Variants in SLC44A5 observed in about 807,000 individuals in gnomAD.
The protein encoded by SLC44A5 is choline transporter-like protein 5.
Under a neutral mutation model 101.8 loss-of-function variants are expected in SLC44A5, and 57 were observed. That is an observed-to-expected ratio of 0.56 (90% confidence interval 0.45 to 0.70). The LOEUF (loss-of-function observed/expected upper bound fraction) is 0.70, where lower values mean the gene tolerates loss of function less well. Ranked by LOEUF, SLC44A5 falls within the 30% of genes least tolerant of loss-of-function variation. The pLI is 0.00. For missense variants in SLC44A5, 737 were observed against 853.1 expected, an observed-to-expected ratio of 0.86 and a Z score of 1.70; for synonymous variants, 281 against 290.9, an observed-to-expected ratio of 0.97 and a Z score of 0.35.
chr1:75,341,050 G>T (rs1328241013), intron 3 of SLC44A5, among the ~76,000 whole-genome samples: 1 of 152,144 alleles, frequency 6.6e-6, no homozygotes, highest in Non-Finnish European at 1.5e-5. Flanking sequence ...GAGCCAAAGA[G>T]TCCTATTAAT....
chr1:75,363,651 T>A (rs1287121801), intron 3 of SLC44A5, among the ~76,000 whole-genome samples: 1 of 152,174 alleles, frequency 6.6e-6, no homozygotes, highest in African/African-American at 2.4e-5. Context: ...TACCTGTAGT[T>A]GTTGTTAATA....
At chr1:75,689,560 TA>T in the SLC44A5 span, among the ~76,000 whole-genome samples, 1 of 152,160 alleles carries the variant, frequency 6.6e-6, no homozygotes, top group Admixed American at 6.5e-5. Context: ...ACCACTCAAA[TA>T]GTCAGGGAAA....
At chr1:75,403,866 G>A (rs1306696728) in intron 2 of SLC44A5, among the ~76,000 whole-genome samples, 1 of 152,098 alleles carries the variant, frequency 6.6e-6, no homozygotes, top group Non-Finnish European at 1.5e-5. Context: ...ATTGACAGAA[G>A]TAGGCTTCAG....
At chr1:75,614,674 T>A (rs1414054977), upstream of SLC44A5, among the ~76,000 whole-genome samples, 1 of 152,166 alleles carries the variant, frequency 6.6e-6, no homozygotes, top group African/African-American at 2.4e-5. Context: ...ACCCCTCAGT[T>A]CTCATCTGAG....
At chr1:75,663,931 C>T in the SLC44A5 span, among the ~76,000 whole-genome samples, 2 of 152,130 alleles carry the variant, frequency 1.3e-5, no homozygotes, top group African/African-American at 2.4e-5. Context: ...CAAACTGAAT[C>T]CAGTGGCATA....
At chr1:75,439,547 G>A (rs1387833202) in intron 2 of SLC44A5, among the ~76,000 whole-genome samples, 2 of 137,592 alleles carry the variant, frequency 1.5e-5, no homozygotes, top group Non-Finnish European at 3.2e-5. Flanking sequence ...GTGAGACCCT[G>A]TCTCTAAGGG....
the SLC44A5 span, among the ~76,000 whole-genome samples, chr1:75,622,515 G>A: frequency 1.3e-5 from 2 of 151,758 alleles, no homozygotes; most frequent in Admixed American, 6.6e-5. Flanking sequence ...AAAAAATAAA[G>A]AAAAAAAGAA....
At chr1:75,412,565 G>A (rs1476273426) in intron 2 of SLC44A5, among the ~76,000 whole-genome samples, 15 of 152,166 alleles carry the variant, frequency 9.9e-5, no homozygotes, top group Non-Finnish European at 2.9e-5. Flanking sequence ...AACAGGAGGT[G>A]TATTTCCAAA....
intron 6 of SLC44A5, among the ~76,000 whole-genome samples, chr1:75,253,410 A>T (rs1462254354): frequency 1.3e-5 from 2 of 152,208 alleles, no homozygotes; most frequent in Non-Finnish European, 2.9e-5. Flanking sequence ...GGGAAATCTG[A>T]AAAAGCATTT....
At chr1:75,630,723 G>A in the SLC44A5 span, among the ~76,000 whole-genome samples, 30 of 152,138 alleles carry the variant, frequency 2.0e-4, no homozygotes, top group Middle Eastern at 6.8e-3. Flanking sequence ...TAAATAAACC[G>A]TCATTGATAA....
chr1:75,372,073 T>G (rs1660263016), intron 3 of SLC44A5, among the ~76,000 whole-genome samples: 1 of 151,972 alleles, frequency 6.6e-6, no homozygotes, highest in Non-Finnish European at 1.5e-5. Flanking sequence ...GGCACATGCC[T>G]GTAATTCCAG....
chr1:75,717,292 G>A, the SLC44A5 span, among the ~76,000 whole-genome samples: 37 of 150,634 alleles, frequency 2.5e-4, no homozygotes, highest in African/African-American at 8.3e-4. Context: ...AGTGAGCTGA[G>A]ATTGGGCCAC....
At chr1:75,559,631 A>G (rs568650473) in intron 1 of SLC44A5, among the ~76,000 whole-genome samples, 1 of 152,282 alleles carries the variant, frequency 6.6e-6, no homozygotes, top group South Asian at 2.1e-4. Context: ...TACACATTCA[A>G]ATGTTTATCA....
rs542131951 is a variant in SLC44A5, at chr1:75,476,740, G to C, written c.13+64695C>G. ...ACCCAGGCTTGCTTAGGTAGACAAA[G>C]CAGCAGGGAAGCTCGAACTGGGTGG... is the stretch of plus-strand genomic sequence containing the variant. On this transcript the variant is annotated intron_variant, in intron 2 of 23. Transcript: ENST00000370859. Among the ~76,000 whole-genome samples, 294 of 152,374 alleles carry C rather than the reference G, an allele frequency of 1.9e-3. 1 individual carries two copies. Among genetic ancestry groups the C allele is most frequent in the African/African-American group, 6.6e-3 (274 of 41,598 alleles).
chr1:75,323,479 A>T (rs1332776600), intron 4 of SLC44A5, among the ~76,000 whole-genome samples: 1 of 152,128 alleles, frequency 6.6e-6, no homozygotes, highest in African/African-American at 2.4e-5. Context: ...GCTGGGTCAA[A>T]TGGTATTACC....
chr1:75,503,027 C>T (rs1669051847), intron 2 of SLC44A5, among the ~76,000 whole-genome samples: 1 of 152,094 alleles, frequency 6.6e-6, no homozygotes, highest in African/African-American at 2.4e-5. Flanking sequence ...GATAAACATA[C>T]TCTGACAATT....
the SLC44A5 span, among the ~76,000 whole-genome samples, chr1:75,656,593 C>T: frequency 2.2e-3 from 328 of 152,254 alleles, 1 homozygote; most frequent in African/African-American, 7.7e-3. Flanking sequence ...AAGTTGCCAT[C>T]AGTTTAAAAT....
At chr1:75,371,957 G>A (rs1006005399) in intron 3 of SLC44A5, among the ~76,000 whole-genome samples, 10 of 152,196 alleles carry the variant, frequency 6.6e-5, no homozygotes, top group Admixed American at 4.6e-4. Flanking sequence ...AGCACTTTGG[G>A]AGGCCGAGGC....
intron 3 of SLC44A5, among the ~76,000 whole-genome samples, chr1:75,376,029 T>C (rs961537140): frequency 1.3e-5 from 2 of 152,140 alleles, no homozygotes; most frequent in Non-Finnish European, 2.9e-5. Flanking sequence ...ACTTGGGAAG[T>C]GCAAGGGGTC....
Sources: gnomAD v4.1 joint callset for allele counts (sites outside exome capture counted in the v4.1 genomes callset) on GRCh38, gnomAD v4.1.1 for gene constraint, MANE v1.5 for transcripts, NCBI Gene and HGNC (gene_info 2026-07-23, HGNC 2026-07-21) for gene names.